Variants in TRAK1 observed in about 807,000 individuals in gnomAD.
TRAK1 encodes the protein trafficking kinesin protein 1.
A neutral mutation model predicts 92.1 loss-of-function variants in TRAK1; 33 were observed. The ratio of observed to expected loss-of-function variants is 0.36; its 90% confidence interval spans 0.27 to 0.48. TRAK1 has a LOEUF of 0.48. Ranked by LOEUF, TRAK1 falls within the 20% of genes least tolerant of loss-of-function variation. The probability of loss-of-function intolerance (pLI) is 0.99; values close to 1 mark genes in which losing one functional copy is unlikely to be tolerated. For missense variants in TRAK1, 1,123 were observed against 1,257.9 expected (o/e 0.89, Z 1.62); for synonymous variants, 521 against 517.3 (o/e 1.01, Z -0.10).
intron 10 of TRAK1, among the ~76,000 whole-genome samples, chr3:42,197,039 C>T (rs901829443): frequency 2.7e-5 from 4 of 145,516 alleles, no homozygotes; most frequent in Non-Finnish European, 6.1e-5. Context: ...CACACACACA[C>T]GTTGTTATAT....
At chr3:42,192,067 AT>A (rs549336180) in intron 7 of TRAK1, among the ~76,000 whole-genome samples, 8,390 of 151,560 alleles carry the variant, frequency 0.055, 229 homozygotes, top group Middle Eastern at 0.075. Context: ...ATGCCTGGCT[AT>A]TTTTTTGTAT....
chr3:42,019,302 T>TA (rs949888678), intron 1 of TRAK1, among the ~76,000 whole-genome samples: 2 of 152,180 alleles, frequency 1.3e-5, no homozygotes, highest in Non-Finnish European at 2.9e-5. Flanking sequence ...TTTTTAGAGA[T>TA]AGAATCTCTG....
intron 14 of TRAK1, chr3:42,219,061 ACTT>A: frequency 1.8e-5 from 18 of 985,404 alleles, no homozygotes; most frequent in Non-Finnish European, 2.2e-5. Context: ...CCCTGCCTGT[ACTT>A]CTCCCCTTCC....
chr3:42,209,965 T>C lies in TRAK1; in HGVS notation c.1943T>C (p.Val648Ala). The C allele has an allele frequency of 6.2e-7, 1 of 1,614,218 alleles. No individual in the cohort carries two copies. Among genetic ancestry groups the C allele is most frequent in the Non-Finnish European group, 8.5e-7 (1 of 1,180,036 alleles). The change falls in exon 14 of 16, where the codon GTT becomes GCT. Residue 648 changes from valine (V) to alanine (A), a missense_variant. By Grantham distance (64) the Val-to-Ala change is moderately conservative (BLOSUM62 0). Around this residue, in one of 3 missense-constraint regions of TRAK1, gnomAD observed 401 missense variants for 438.9 expected, o/e 0.91. Transcript: ENST00000327628. ...SLPRLATSTP[V>A]QHPETSAHHP... ...CCACGCCTAGCTACCTCCACTCCAGTTCAGCACCCAGAGACCTCAGGTGAG... is the reference window on the plus strand; with the variant it reads ...CCACGCCTAGCTACCTCCACTCCAGCTCAGCACCCAGAGACCTCAGGTGAG...
At chr3:42,139,168 A>G (rs1698358667) in intron 2 of TRAK1, among the ~76,000 whole-genome samples, 1 of 152,134 alleles carries the variant, frequency 6.6e-6, no homozygotes, top group Non-Finnish European at 1.5e-5. Context: ...TTTTGTGTAA[A>G]TGCCCAAGTA....
intron 1 of TRAK1, among the ~76,000 whole-genome samples, chr3:42,121,417 G>T (rs772959815): frequency 7.2e-5 from 11 of 152,084 alleles, no homozygotes; most frequent in Non-Finnish European, 1.2e-4. Flanking sequence ...CCACCACTGC[G>T]CCTGGCTAAT....
intron 2 of TRAK1, 75 bp downstream of exon 2, chr3:42,125,689 C>T: frequency 6.6e-7 from 1 of 1,506,608 alleles, no homozygotes; most frequent in Non-Finnish European, 9.1e-7. Context: ...CAAATAAGAT[C>T]TTGTACTGGC....
intron 13 of TRAK1, among the ~76,000 whole-genome samples, chr3:42,204,952 A>G (rs763253590): frequency 2.0e-5 from 3 of 152,000 alleles, no homozygotes; most frequent in Non-Finnish European, 4.4e-5. Flanking sequence ...TTGTGTTACC[A>G]TGTTTAATAT....
intron 1 of TRAK1, among the ~76,000 whole-genome samples, 193 bp downstream of exon 1, chr3:42,091,753 C>T (rs1705098672): frequency 6.6e-6 from 1 of 152,016 alleles, no homozygotes; most frequent in African/African-American, 2.4e-5. Context: ...CAACTACTGC[C>T]CTCACCACCC....
At chr3:42,052,925 C>G (rs112966210) in intron 1 of TRAK1, among the ~76,000 whole-genome samples, 1 of 152,090 alleles carries the variant, frequency 6.6e-6, no homozygotes, top group Non-Finnish European at 1.5e-5. Context: ...GTCATTTTCC[C>G]AAGGCATTTG....
intron 1 of TRAK1, among the ~76,000 whole-genome samples, chr3:42,109,764 A>G (rs904695803): frequency 3.3e-5 from 5 of 152,112 alleles, no homozygotes; most frequent in Admixed American, 2.0e-4. Context: ...ATGCAATACT[A>G]TGCCACCATA....
At position 42,193,166 on chromosome 3, in the gene TRAK1, G is replaced by A; in HGVS notation, c.861G>A (p.Leu287=). The change falls in exon 8 of 16, where the codon CTG becomes CTA. Residue 287 remains leucine, a synonymous_variant. Transcript: ENST00000327628. ...AARQQEEITH[L]LSQIVDLQKK... is the part of the protein sequence containing the mutation. ...GCCAGCAAGAGGAGATCACACACCT[G>A]CTATCGCAAATAGTTGATTTGCAGA... 2 of 1,614,202 alleles carry A rather than the reference G, an allele frequency of 1.2e-6. No individual in the cohort carries two copies. The highest frequency in any genetic ancestry group is 1.7e-6 in the Non-Finnish European group (2 of 1,180,010).
chr3:42,138,874 GGGGTGTGTGTGTGTGTGTGT>G (rs1348929604), intron 2 of TRAK1, among the ~76,000 whole-genome samples: 10 of 50,998 alleles, frequency 2.0e-4, no homozygotes, highest in South Asian at 1.0e-3. Context: ...GAAAGCATAG[GGGGTGTGTGTGTGTGTGTGT>G]GTGTGTGTGT....
intron 3 of TRAK1, among the ~76,000 whole-genome samples, chr3:42,178,682 C>G (rs1703554336): frequency 6.6e-6 from 1 of 152,088 alleles, no homozygotes; most frequent in South Asian, 2.1e-4. Context: ...GAGGCTCAAA[C>G]AGTCCTCCTG....
Position 42,166,419 on chromosome 3 carries a change from G to A in TRAK1, c.287-10395G>A, listed in dbSNP as rs1164842328. The stretch of plus-strand genomic sequence containing the variant: ...TAAATGGCCACTATAGATCAACACT[G>A]GGTGTTCCAGTCTGGGGCAGGGTGG... On this transcript the variant is annotated intron_variant, in intron 2 of 15. Coordinates refer to ENST00000327628, the MANE Select transcript of TRAK1 (RefSeq NM_001042646.3). 2.0e-5 allele frequency among the ~76,000 whole-genome samples: 3 copies of A among 152,138 alleles called. No individual in the cohort carries two copies. The East Asian group carries it at 5.8e-4, about 29-fold the overall frequency.
At chr3:42,117,743 C>T (rs908390269) in intron 1 of TRAK1, among the ~76,000 whole-genome samples, 9 of 152,178 alleles carry the variant, frequency 5.9e-5, no homozygotes, top group African/African-American at 2.2e-4. Flanking sequence ...GAGCATTTAA[C>T]TCCTCTGTGG....
chr3:42,209,241 T>G (rs1369028048), intron 13 of TRAK1, among the ~76,000 whole-genome samples: 1 of 152,210 alleles, frequency 6.6e-6, no homozygotes, highest in Non-Finnish European at 1.5e-5. Context: ...CATCTCTGTG[T>G]ACTGCTTTCA....
Position 42,041,371 on chromosome 3 carries a change from GTTA to G in TRAK1, c.-519+27259_-519+27261del, listed in dbSNP as rs1437359091. 2.0e-5 allele frequency among the ~76,000 whole-genome samples: 3 copies of G among 151,848 alleles called. No individual in the cohort carries two copies. The East Asian group carries it at 5.8e-4, about 29-fold the overall frequency. ...ACCTAAGTATTTTATTCCTTTTGAT[GTTA>G]TTATAAATGGAATAATTTTCTTAAT... On this transcript the variant is annotated intron_variant, in intron 1 of 16. Coordinates refer to the TRAK1 transcript ENST00000487159.
At chr3:42,213,641 C>T (rs781046442) in intron 14 of TRAK1, among the ~76,000 whole-genome samples, 1 of 152,210 alleles carries the variant, frequency 6.6e-6, no homozygotes, top group Non-Finnish European at 1.5e-5. Flanking sequence ...CAAAGCTCAG[C>T]CAGCTTGTAT....
Sources: gnomAD v4.1 joint callset for allele counts (sites outside exome capture counted in the v4.1 genomes callset) on GRCh38, gnomAD v4.1.1 for gene constraint, gnomAD v4.1.1 regional missense constraint, MANE v1.5 for transcripts, NCBI Gene and HGNC (gene_info 2026-07-23, HGNC 2026-07-21) for gene names.